LIMS2: variants seen among roughly 807,000 people sequenced by gnomAD.
LIMS2 encodes LIM zinc finger domain containing 2.
Under a neutral mutation model 45.3 loss-of-function variants are expected in LIMS2, and 30 were observed. The observed-to-expected ratio is 0.66, with a 90% CI of 0.50 to 0.90. LIMS2 has a LOEUF of 0.90. LIMS2 is among the 40% of genes least tolerant of loss of function. LIMS2 has a pLI of 0.00. For missense variants in LIMS2, 485 were observed against 468.7 expected (o/e 1.03, Z -0.32); for synonymous variants, 173 against 188.0 (o/e 0.92, Z 0.65).
At chr2:127,649,829 G>C (rs1479407522) in intron 4 of LIMS2, 2 of 598,194 alleles carry the variant, frequency 3.3e-6, no homozygotes, top group Non-Finnish European at 5.9e-6. Flanking sequence ...GCCTCTCTGG[G>C]GCTGCAGATC....
rs144314862 is a variant in LIMS2 at position 127,665,548 on chromosome 2, C to T, written c.12-7986G>A. 1.4e-3 allele frequency among the ~76,000 whole-genome samples: 213 copies of T among 152,300 alleles called. 1 individual carries two copies. Among genetic ancestry groups the T allele is most frequent in the African/African-American group, 4.8e-3 (198 of 41,558 alleles). On this transcript the variant is annotated intron_variant, in intron 1 of 9. Transcript: ENST00000355119. ...AATTCCAAAGTTGCCCAACACTGAT[C>T]AGTTCAACAAATAGTTTTTAAAGGT... is the stretch of plus-strand genomic sequence containing the variant.
chr2:127,655,130 C>A, intron 2 of LIMS2: 2 of 603,360 alleles, frequency 3.3e-6, no homozygotes. Flanking sequence ...TCCGTGAGGC[C>A]ACCTGTCAAA....
exon 1 of LIMS2, chr2:127,681,555 C>T (rs1573859775): frequency 6.6e-6 from 1 of 152,406 alleles, no homozygotes; most frequent in Non-Finnish European, 1.5e-5. Context: ...CCGGAGGCAC[C>T]TTGGGGTCAG....
chr2:127,669,998 G>A (rs979730298), intron 1 of LIMS2, among the ~76,000 whole-genome samples: 3 of 152,118 alleles, frequency 2.0e-5, no homozygotes, highest in Admixed American at 2.0e-4. Context: ...AAGGATGTCG[G>A]GAAATTGGAA....
chr2:127,650,031 G>A (rs1006369578), intron 4 of LIMS2: 4 of 1,608,788 alleles, frequency 2.5e-6, no homozygotes, highest in African/African-American at 1.3e-5. Flanking sequence ...CGGAGTTGGT[G>A]GGCTGGATCC....
Position 127,640,119 on chromosome 2 carries a change from A to G in LIMS2, c.829T>C (p.Cys277Arg). 6.2e-7 allele frequency: 1 copy of G among 1,613,468 alleles called. No homozygotes were observed. Reference protein sequence around the residue: ...DVVSALNKAWCVSCFSCSTCN... With the variant: ...DVVSALNKAWRVSCFSCSTCN... ...GTGGAGCAGGAGAAGCAGCTCACAC[A>G]CCAGGCCTTGTTGAGGGCCGACACC... Residue 277 changes from cysteine (C) to arginine (R), a missense_variant, in exon 9 of 10, where the codon TGT becomes CGT. Coordinates refer to ENST00000355119, the MANE Select transcript of LIMS2 (RefSeq NM_001161403.3).
rs34722685 is a variant in LIMS2 at position 127,651,173 on chromosome 2, C to A, written c.359+3251G>T. 2.1e-3 allele frequency: 3,339 copies of A among 1,612,484 alleles called. 65 individuals carry two copies. In the African/African-American group the frequency reaches 0.04, roughly 19 times the overall value. On this transcript the variant is annotated intron_variant, in intron 4 of 9. Transcript: ENST00000355119. ...AGTCCCTCAAGCTCCGCAGGCCCCT[C>A]TACGCACACCTGGCCTGTGCCTTCC...
At position 127,647,930 on chromosome 2, in the gene LIMS2, C is replaced by T; in HGVS notation, c.360-4858G>A. On this transcript the variant is annotated intron_variant, in intron 4 of 9. Transcript: ENST00000355119. The surrounding 1 kb of genome is among the most constrained non-coding windows in gnomAD (Gnocchi z 4.3). ...CCTGCCTCACAGGCCCTGTCAAGGG[C>T]TGTGTTCCTCCCTCCTTTTACCTCT... The T allele has an allele frequency of 1.3e-6, 1 of 779,688 alleles. No homozygotes were observed. The highest frequency in any genetic ancestry group is 1.6e-6 in the Non-Finnish European group (1 of 641,474). The allele number at this position is 779,688 out of a possible 1,614,324, so 48.3% of individuals were successfully genotyped here.
intron 4 of LIMS2, chr2:127,646,004 A>G (rs1682929512): frequency 6.5e-6 from 1 of 153,340 alleles, no homozygotes; most frequent in Non-Finnish European, 1.4e-5. Flanking sequence ...ACACTAGAAT[A>G]TTCACGCTCC....
At chr2:127,661,561 A>G (rs1359974115) in intron 1 of LIMS2, among the ~76,000 whole-genome samples, 1 of 152,148 alleles carries the variant, frequency 6.6e-6, no homozygotes. Context: ...GTTATCCCCC[A>G]GGAGACACCA....
intron 4 of LIMS2, among the ~76,000 whole-genome samples, chr2:127,648,963 AGGGG>A (rs1216405916): frequency 1.6e-4 from 2 of 12,518 alleles, no homozygotes; most frequent in Admixed American, 1.0e-3. Flanking sequence ...AGGGGAGGGG[AGGGG>A]GGGAGGGGAG....
chr2:127,664,193 G>A lies in LIMS2; in HGVS notation c.12-6631C>T. 1 of 877,574 alleles carries A rather than the reference G, an allele frequency of 1.1e-6. No individual in the cohort carries two copies. Among genetic ancestry groups the A allele is most frequent in the Non-Finnish European group, 1.5e-6 (1 of 683,094 alleles). The allele number at this position is 877,574 out of a possible 1,614,324, so 54.4% of individuals were successfully genotyped here. On this transcript the variant is annotated intron_variant, in intron 1 of 9. Transcript: ENST00000355119. This position sits in a 1 kb window ranked among gnomAD's most constrained non-coding sequence, Gnocchi z 5.5. ...AACCCAGGGCCCATCCGACGCCGGGGCAGAGCCCACGGCGTCGGAGGGCCC... is the reference window on the plus strand; with the variant it reads ...AACCCAGGGCCCATCCGACGCCGGGACAGAGCCCACGGCGTCGGAGGGCCC...
intron 4 of LIMS2, chr2:127,652,046 T>C (rs535459685): frequency 4.8e-6 from 2 of 419,436 alleles, no homozygotes; most frequent in Non-Finnish European, 8.8e-6. Context: ...CCCTGAACAA[T>C]GGAGGCCTTT....
In LIMS2 at chr2:127,640,461, G is replaced by A. The variant is rs1682294276; in HGVS notation, c.754-143C>T. The A allele has an allele frequency of 1.7e-5, 15 of 880,172 alleles. No homozygotes were observed. The South Asian group carries it at 2.3e-4, about 13-fold the overall frequency. 54.5% of individuals were successfully genotyped at this position (880,172 alleles called of 1,614,324 possible). A position where few individuals can be genotyped will look rare whatever the true frequency, so the allele number is the denominator to read the frequency against. On this transcript the variant is annotated intron_variant, in intron 7 of 9. Transcript: ENST00000355119. ...CTCCCAGGGCCCAGCTGCAAGGCTG[G>A]GTTGAGGGCACGGCAACCCATGAGA...
intron 1 of LIMS2, among the ~76,000 whole-genome samples, chr2:127,658,472 T>G (rs948283645): frequency 3.9e-5 from 6 of 152,160 alleles, no homozygotes; most frequent in African/African-American, 1.4e-4. Flanking sequence ...TCATCCATAC[T>G]GGGCACTGCC....
chr2:127,652,520 T>C, intron 4 of LIMS2: 1 of 166,984 alleles, frequency 6.0e-6, no homozygotes. Flanking sequence ...ACCCACTTCC[T>C]CCAGAGAGGC....
At chr2:127,651,252 G>A (rs367618747) in intron 4 of LIMS2, 295 of 1,606,194 alleles carry the variant, frequency 1.8e-4, no homozygotes, top group African/African-American at 6.0e-4. Context: ...CCCACAGACC[G>A]TGCAGACCAA....
chr2:127,653,301 G>A lies in LIMS2; in HGVS notation c.359+1123C>T, dbSNP rs570212226. ...ATGGCTGGGGCCTCTGGGGGTCGGC[G>A]CTGCCTCTCACTGATACAGGGGACG... is the stretch of plus-strand genomic sequence containing the variant. On this transcript the variant is annotated intron_variant, in intron 4 of 9. Coordinates refer to ENST00000355119, the MANE Select transcript of LIMS2 (RefSeq NM_001161403.3). This position sits in a 1 kb window ranked among gnomAD's most constrained non-coding sequence, Gnocchi z 5.3. 3.3e-5 allele frequency among the ~76,000 whole-genome samples: 5 copies of A among 152,256 alleles called. No homozygotes were observed. The South Asian group carries it at 8.3e-4, about 25-fold the overall frequency.
intron 4 of LIMS2, among the ~76,000 whole-genome samples, chr2:127,644,521 C>T (rs528347411): frequency 3.9e-5 from 6 of 152,326 alleles, no homozygotes; most frequent in East Asian, 1.9e-4. Context: ...GCGCCTATGG[C>T]GGCCAGCCCA....
Sources: allele counts gnomAD v4.1 joint callset (sites outside exome capture counted in the v4.1 genomes callset), GRCh38; gene constraint gnomAD v4.1.1; non-coding constraint Gnocchi (gnomAD v3.1); transcripts MANE v1.5; gene names NCBI Gene and HGNC (gene_info 2026-07-23, HGNC 2026-07-21).